EML6: variants seen among roughly 807,000 people sequenced by gnomAD.
EML6 encodes echinoderm microtubule-associated protein-like 6.
Under a neutral mutation model 240.1 loss-of-function variants are expected in EML6, and 154 were observed. The observed-to-expected ratio is 0.64, with a 90% CI of 0.56 to 0.73. The LOEUF (loss-of-function observed/expected upper bound fraction) is 0.73, where lower values mean the gene tolerates loss of function less well. Ranked by LOEUF, EML6 falls within the 30% of genes least tolerant of loss-of-function variation. The pLI is 0.00. For synonymous variants in EML6, 1,148 were observed against 899.0 expected (o/e 1.28, Z -4.95); for missense variants, 2,964 against 2,474.6 (o/e 1.20, Z -4.20).
intron 16 of EML6, among the ~76,000 whole-genome samples, chr2:54,875,101 C>G (rs1443860051): frequency 6.6e-6 from 1 of 152,128 alleles, no homozygotes; most frequent in Non-Finnish European, 1.5e-5. Context: ...GCTACCTGTG[C>G]CCTCCAGTAA....
chr2:54,919,885 C>T (rs1482394185), intron 26 of EML6, among the ~76,000 whole-genome samples: 1 of 152,144 alleles, frequency 6.6e-6, no homozygotes, highest in Non-Finnish European at 1.5e-5. Context: ...TCTGGAATCC[C>T]GTTCCTGTTT....
At chr2:54,776,258 G>C (rs1668595036) in intron 2 of EML6, among the ~76,000 whole-genome samples, 1 of 152,084 alleles carries the variant, frequency 6.6e-6, no homozygotes, top group Non-Finnish European at 1.5e-5. Flanking sequence ...CAGAAACAGA[G>C]ACTAAGAACC....
rs1410735618 is a variant in EML6, at chr2:54,853,643, C to G, written c.1445C>G (p.Ser482Cys). The G allele has an allele frequency of 1.3e-6, 2 of 1,520,748 alleles. No individual in the cohort carries two copies. Among genetic ancestry groups the G allele is most frequent in the African/African-American group, 2.8e-5 (2 of 72,348 alleles). The allele number at this position is 1,520,748 out of a possible 1,614,324, so 94.2% of individuals were successfully genotyped here. The stretch of plus-strand genomic sequence containing the variant: ...TAATGTTAATATTGATTATTTTCAG[C>G]TGGGAAGCCTTTAACAAGTAAAGAA... ...AGERLFYRMP[S>C]GKPLTSKEEI... The change falls in exon 11 of 42, where the codon TCT (serine) becomes TGT (cysteine). Residue 482 changes from serine to cysteine, a missense_variant and splice_region_variant. Physicochemically the swap from Ser to Cys is moderately radical, Grantham distance 112 (BLOSUM62 -1). Transcript: ENST00000356458.
rs115314091 is a variant in EML6, at chr2:54,872,485, A to G, written c.2344+880A>G. On this transcript the variant is annotated intron_variant, in intron 16 of 41. Coordinates refer to ENST00000356458, the MANE Select transcript of EML6 (RefSeq NM_001039753.4). ...CTCACTCTTTCATCTATGCTATGGT[A>G]GTCATGCTGGTCTCTAATTCTATCC... 3.6e-3 allele frequency among the ~76,000 whole-genome samples: 555 copies of G among 152,170 alleles called. 6 individuals are homozygous for G. The highest frequency in any genetic ancestry group is 0.013 in the African/African-American group (533 of 41,506).
chr2:54,945,898 C>T (rs987355657), intron 28 of EML6, among the ~76,000 whole-genome samples: 1 of 152,220 alleles, frequency 6.6e-6, no homozygotes, highest in African/African-American at 2.4e-5. Context: ...TTCCCATGAT[C>T]CTGCCCTGCC....
chr2:54,801,125 C>T (rs1670115140), intron 2 of EML6, among the ~76,000 whole-genome samples: 1 of 151,810 alleles, frequency 6.6e-6, no homozygotes, highest in African/African-American at 2.4e-5. Flanking sequence ...TTGAGACCAT[C>T]CTGGCTAATA....
chr2:54,968,453 AG>A (rs1245769514), intron 40 of EML6, among the ~76,000 whole-genome samples, 172 bp downstream of exon 40: 1 of 152,190 alleles, frequency 6.6e-6, no homozygotes, highest in Admixed American at 6.5e-5. Flanking sequence ...GGAAGCCAGA[AG>A]GGAGGATGGA....
intron 28 of EML6, among the ~76,000 whole-genome samples, chr2:54,929,142 C>T (rs1573164182): frequency 6.6e-6 from 1 of 152,166 alleles, no homozygotes; most frequent in African/African-American, 2.4e-5. Context: ...GGAATGGCTG[C>T]AGAGTTGTGA....
intron 28 of EML6, among the ~76,000 whole-genome samples, chr2:54,948,134 C>T (rs1436397968): frequency 2.6e-5 from 4 of 152,174 alleles, no homozygotes; most frequent in African/African-American, 7.2e-5. Flanking sequence ...GGAAACCCCA[C>T]GTCACCAAGA....
chr2:54,842,028 A>G (rs1669487329), intron 7 of EML6, among the ~76,000 whole-genome samples: 1 of 151,774 alleles, frequency 6.6e-6, no homozygotes, highest in African/African-American at 2.4e-5. Context: ...AATGTGCCCC[A>G]CCAGAGTGGT....
intron 22 of EML6, among the ~76,000 whole-genome samples, chr2:54,902,824 C>G (rs1016116716): frequency 6.6e-6 from 1 of 152,218 alleles, no homozygotes; most frequent in African/African-American, 2.4e-5. Flanking sequence ...TTCCACCTGC[C>G]TCGACCTTCC....
intron 32 of EML6, among the ~76,000 whole-genome samples, 156 bp downstream of exon 32, chr2:54,954,312 G>C (rs1283425811): frequency 6.6e-6 from 1 of 152,216 alleles, no homozygotes; most frequent in East Asian, 1.9e-4. Context: ...TCCTGGTATA[G>C]CTGCCCCACT....
At chr2:54,896,341 C>T (rs909531392) in intron 21 of EML6, among the ~76,000 whole-genome samples, 9 of 152,352 alleles carry the variant, frequency 5.9e-5, no homozygotes, top group African/African-American at 2.2e-4. Context: ...GTGGGCCTCA[C>T]TATAGTCTCA....
Position 54,873,849 on chromosome 2 carries a change from A to G in EML6, c.2344+2244A>G, listed in dbSNP as rs892999840. On this transcript the variant is annotated intron_variant, in intron 16 of 41. Transcript: ENST00000356458. ...CTCAATTCTAGCAAACAATCTGGCAATGTATAACAAAGCTGTGATTCAAAA... is the reference window on the plus strand; with the variant it reads ...CTCAATTCTAGCAAACAATCTGGCAGTGTATAACAAAGCTGTGATTCAAAA... Among the ~76,000 whole-genome samples, 6 of 145,590 alleles carry G rather than the reference A, an allele frequency of 4.1e-5. 1 individual carries two copies. In the Admixed American group the frequency reaches 4.2e-4, roughly 10 times the overall value.
intron 2 of EML6, among the ~76,000 whole-genome samples, chr2:54,797,615 T>C (rs950434654): frequency 4.8e-5 from 5 of 103,648 alleles, no homozygotes; most frequent in African/African-American, 8.3e-5. Context: ...TGTAGAAAAC[T>C]TCTTTATTGT....
intron 26 of EML6, among the ~76,000 whole-genome samples, chr2:54,918,251 T>G (rs974812202): frequency 3.3e-5 from 5 of 152,132 alleles, no homozygotes; most frequent in African/African-American, 1.2e-4. Flanking sequence ...AATCCCGAGT[T>G]CTAAATCATA....
At chr2:54,871,407 A>T (rs1320127521) in intron 15 of EML6, 93 bp from the exon 16 acceptor site, 1 of 932,458 alleles carries the variant, frequency 1.1e-6, no homozygotes, top group South Asian at 1.5e-5. Context: ...AAATGGGTTT[A>T]TCTTGGTTTC....
intron 8 of EML6, among the ~76,000 whole-genome samples, chr2:54,846,547 G>C (rs866620951): frequency 4.7e-5 from 7 of 149,756 alleles, no homozygotes; most frequent in Non-Finnish European, 7.4e-5. Context: ...GTAGTAGTAT[G>C]AACATAGCTA....
Position 54,962,527 on chromosome 2 carries a change from A to G in EML6, c.4973A>G (p.Lys1658Arg), listed in dbSNP as rs1171615824. The change falls in exon 36 of 42, where the codon AAA (lysine) becomes AGA (arginine). Residue 1658 changes from lysine to arginine, a missense_variant. Transcript: ENST00000356458. ...CVRSVCRGKG[K>R]ILVGTKDGEI... ...ATAGTGTTTCAATTACAACAGGGAA[A>G]AATCTTAGTGGGAACCAAAGACGGA... is the stretch of plus-strand genomic sequence containing the variant. 1 of 1,542,808 alleles carries G rather than the reference A, an allele frequency of 6.5e-7. No homozygotes were observed. The highest frequency in any genetic ancestry group is 1.2e-5 in the South Asian group (1 of 81,714).
Sources: gnomAD v4.1 joint callset for allele counts (sites outside exome capture counted in the v4.1 genomes callset) on GRCh38, gnomAD v4.1.1 for gene constraint, MANE v1.5 for transcripts, NCBI Gene and HGNC (gene_info 2026-07-23, HGNC 2026-07-21) for gene names.